FHIT: variants seen among roughly 807,000 people sequenced by gnomAD.
The protein encoded by FHIT is bis(5'-adenosyl)-triphosphatase.
Under a neutral mutation model 17.9 loss-of-function variants are expected in FHIT, and 19 were observed. The ratio of observed to expected loss-of-function variants is 1.06; its 90% CI spans 0.74 to 1.56. The LOEUF (loss-of-function observed/expected upper bound fraction) is 1.56, where lower values mean the gene tolerates loss of function less well. Ranked by LOEUF, FHIT falls within the 40% of genes most tolerant of loss-of-function variation. FHIT has a pLI of 0.00. For synonymous variants in FHIT, 81 were observed against 69.7 expected, an observed-to-expected ratio of 1.16 and a Z score of -0.81; for missense variants, 248 against 189.2, an observed-to-expected ratio of 1.31 and a Z score of -1.82.
chr3:60,534,224 G>T (rs891322906), intron 5 of FHIT, among the ~76,000 whole-genome samples: 1 of 147,798 alleles, frequency 6.8e-6, no homozygotes, highest in South Asian at 2.2e-4. Context: ...TCAGGAGATC[G>T]AGACCATCCT....
intron 4 of FHIT, among the ~76,000 whole-genome samples, chr3:60,634,551 G>T (rs12637393): frequency 6.6e-6 from 1 of 151,958 alleles, no homozygotes; most frequent in Non-Finnish European, 1.5e-5. Context: ...TTGAGAAATC[G>T]CAATCAATAG....
rs143195104 is a variant in FHIT, at chr3:60,445,374, C to G, written c.103+91486G>C. On this transcript the variant is annotated intron_variant, in intron 5 of 9. Transcript: ENST00000492590. ...AATGTTGTTCTTGGATTACAGTGGT[C>G]TGTAGCTTTAAGAAGCAATTATGAT... Among the ~76,000 whole-genome samples the G allele has an allele frequency of 1.2e-3, 177 of 151,912 alleles. 3 individuals carry two copies. Among genetic ancestry groups the G allele is most frequent in the African/African-American group, 3.9e-3 (162 of 41,462 alleles).
At chr3:60,950,504 G>A (rs1485328793) in intron 3 of FHIT, among the ~76,000 whole-genome samples, 4 of 148,752 alleles carry the variant, frequency 2.7e-5, no homozygotes, top group Non-Finnish European at 4.5e-5. Context: ...TTTTTGAGAC[G>A]GAGTCTTGCT....
At chr3:60,359,522 A>G (rs113905651) in intron 5 of FHIT, among the ~76,000 whole-genome samples, 5,130 of 151,800 alleles carry the variant, frequency 0.034, 210 homozygotes, top group African/African-American at 0.1. Flanking sequence ...CTCGTGATCC[A>G]CCCGCCTTGG....
intron 5 of FHIT, among the ~76,000 whole-genome samples, chr3:60,015,285 T>C (rs1700300462): frequency 6.6e-6 from 1 of 151,954 alleles, no homozygotes; most frequent in South Asian, 2.1e-4. Context: ...CTGATTTCCA[T>C]AAGAGAGAGG....
chr3:60,757,498 T>G (rs6802326), intron 4 of FHIT, among the ~76,000 whole-genome samples: 53,206 of 152,024 alleles, frequency 0.35, 9,714 homozygotes, highest in Middle Eastern at 0.38. Context: ...CTTAGGTGAT[T>G]GTGTCTAAAT....
At chr3:59,987,109 T>C (rs953899666) in intron 7 of FHIT, among the ~76,000 whole-genome samples, 1 of 138,512 alleles carries the variant, frequency 7.2e-6, no homozygotes, top group Non-Finnish European at 1.6e-5. Context: ...ATAAAAAATC[T>C]ATATATTTTA....
chr3:59,843,936 TG>T (rs1336076893), intron 8 of FHIT, among the ~76,000 whole-genome samples: 2 of 152,174 alleles, frequency 1.3e-5, no homozygotes, highest in Non-Finnish European at 2.9e-5. Flanking sequence ...AGAACTCTAA[TG>T]GCTTGGTGCT....
At chr3:60,185,906 C>T (rs575078696) in intron 5 of FHIT, among the ~76,000 whole-genome samples, 27 of 152,268 alleles carry the variant, frequency 1.8e-4, no homozygotes, top group Non-Finnish European at 1.9e-4. Flanking sequence ...CAACATGTGA[C>T]GTTGAACATC....
chr3:60,327,409 G>C (rs111474587), intron 5 of FHIT, among the ~76,000 whole-genome samples: 2 of 152,154 alleles, frequency 1.3e-5, no homozygotes, highest in South Asian at 4.1e-4. Flanking sequence ...CAGCTACTTA[G>C]CTCTGACACC....
chr3:60,276,430 G>A (rs995816738), intron 5 of FHIT, among the ~76,000 whole-genome samples: 5 of 152,286 alleles, frequency 3.3e-5, no homozygotes, highest in African/African-American at 1.2e-4. Context: ...AAAGGAGGCT[G>A]AAGGTGCAAA....
intron 3 of FHIT, among the ~76,000 whole-genome samples, chr3:60,991,141 A>T (rs752352014): frequency 3.9e-5 from 6 of 152,256 alleles, no homozygotes; most frequent in Non-Finnish European, 5.9e-5. Context: ...GGAAGGTGAC[A>T]TTTAAGCAAC....
Position 61,044,394 on chromosome 3 carries a change from C to A in FHIT, c.-163-2295G>T, listed in dbSNP as rs1466031698. 2.0e-5 allele frequency among the ~76,000 whole-genome samples: 3 copies of A among 151,790 alleles called. No homozygotes were observed. In the East Asian group the frequency reaches 5.8e-4, roughly 29 times the overall value. ...AAGAAAGGGTATCACTGATTGAAGA[C>A]CAAATGAATGAAATGAAGTGAGAAG... On this transcript the variant is annotated intron_variant, in intron 2 of 9. Coordinates refer to ENST00000492590, the MANE Select transcript of FHIT (RefSeq NM_002012.4).
At chr3:60,460,528 T>C (rs946483374) in intron 5 of FHIT, among the ~76,000 whole-genome samples, 1 of 152,228 alleles carries the variant, frequency 6.6e-6, no homozygotes, top group African/African-American at 2.4e-5. Context: ...ACGAATTTTT[T>C]AGTTTTAAAA....
intron 4 of FHIT, among the ~76,000 whole-genome samples, chr3:60,600,661 T>C (rs1559571226): frequency 6.6e-6 from 1 of 152,070 alleles, no homozygotes; most frequent in Non-Finnish European, 1.5e-5. Context: ...AGAAGGTAAG[T>C]AGACAGATTT....
chr3:61,028,539 A>C (rs2107661964), intron 3 of FHIT, among the ~76,000 whole-genome samples: 1 of 152,280 alleles, frequency 6.6e-6, no homozygotes, highest in Non-Finnish European at 1.5e-5. Context: ...TAATAGGAAG[A>C]AGGATTCTAG....
At chr3:60,498,399 T>A (rs928468140) in intron 5 of FHIT, among the ~76,000 whole-genome samples, 1 of 152,234 alleles carries the variant, frequency 6.6e-6, no homozygotes, top group Non-Finnish European at 1.5e-5. Flanking sequence ...TTATTAATTA[T>A]AATTTTACTA....
intron 3 of FHIT, among the ~76,000 whole-genome samples, chr3:60,903,227 T>C (rs1559815120): frequency 6.6e-6 from 1 of 152,170 alleles, no homozygotes; most frequent in African/African-American, 2.4e-5. Context: ...ATTATAAGGA[T>C]CAATGCAGAA....
At chr3:60,560,154 A>G (rs1266991791) in intron 4 of FHIT, among the ~76,000 whole-genome samples, 1 of 152,060 alleles carries the variant, frequency 6.6e-6, no homozygotes, top group African/African-American at 2.4e-5. Context: ...TTTGGGGGCA[A>G]TTTTCTTCCC....
Sources: allele counts gnomAD v4.1 joint callset (sites outside exome capture counted in the v4.1 genomes callset), GRCh38; gene constraint gnomAD v4.1.1; transcripts MANE v1.5; gene names NCBI Gene and HGNC (gene_info 2026-07-23, HGNC 2026-07-21).